PALMD: variants seen among roughly 807,000 people sequenced by gnomAD.
The protein encoded by PALMD is palmdelphin.
PALMD carries 42 observed loss-of-function variants against 56.2 expected under a neutral mutation model. The observed-to-expected ratio is 0.75, with a 90% CI of 0.58 to 0.97. PALMD has a LOEUF of 0.97. Among genes scored for constraint, PALMD ranks in the 50% least tolerant of loss-of-function variants. The pLI, the probability that PALMD is intolerant of heterozygous loss-of-function variation, is 0.00. For missense variants in PALMD, 660 were observed against 643.8 expected, an observed-to-expected ratio of 1.03 and a Z score of -0.27; for synonymous variants, 242 against 222.9, an observed-to-expected ratio of 1.09 and a Z score of -0.76.
chr1:99,694,047 A>G lies in PALMD; in HGVS notation c.1641A>G (p.Gly547=), dbSNP rs1653722932. The change falls in exon 8 of 8, where the codon GGA becomes GGG. Residue 547 remains glycine, a synonymous_variant. Coordinates refer to ENST00000263174, the MANE Select transcript of PALMD (RefSeq NM_017734.5). ...TAAGGATGAGAATGGCAAAGCTGGG[A>G]AAAAAGGTGATCTAAGAGTTGTACC... ...TALRMRMAKL[G]KKVI 7 of 1,593,100 alleles carry G rather than the reference A, an allele frequency of 4.4e-6. No individual in the cohort carries two copies. Among genetic ancestry groups the G allele is most frequent in the Non-Finnish European group, 6.0e-6 (7 of 1,163,654 alleles).
chr1:99,684,903 C>A (rs1653452438), intron 3 of PALMD: 1 of 152,198 alleles, frequency 6.6e-6, no homozygotes, highest in African/African-American at 2.4e-5. Context: ...CCAGGTCCAC[C>A]TGATTCCACA....
chr1:99,673,252 C>G (rs1653124676), intron 3 of PALMD, among the ~76,000 whole-genome samples: 1 of 151,938 alleles, frequency 6.6e-6, no homozygotes, highest in African/African-American at 2.4e-5. Context: ...TATCATTTAT[C>G]AAAGTTTATC....
chr1:99,646,182 C>G lies in PALMD; in HGVS notation c.-136C>G. 3 of 710,814 alleles carry G rather than the reference C, an allele frequency of 4.2e-6. No homozygotes were observed. In the South Asian group the frequency reaches 5.0e-5, roughly 12 times the overall value. 44.0% of individuals were successfully genotyped at this position (710,814 alleles called of 1,614,324 possible). A position where few individuals can be genotyped will look rare whatever the true frequency, so the allele number is the denominator to read the frequency against. Reference sequence around the variant, plus strand: ...CGCTCCTGACAAGTCGGGAATTTCTCTATTTCTCCACTGGTGCAAAGAGCG... The same window carrying G: ...CGCTCCTGACAAGTCGGGAATTTCTGTATTTCTCCACTGGTGCAAAGAGCG... On this transcript the variant is annotated 5_prime_UTR_variant, in exon 1 of 8. Transcript: ENST00000263174.
intron 1 of PALMD, among the ~76,000 whole-genome samples, chr1:99,657,638 C>A (rs1652756205): frequency 6.6e-6 from 1 of 152,168 alleles, no homozygotes; most frequent in Non-Finnish European, 1.5e-5. Context: ...CTTTTTATTG[C>A]TCCTTATCTC....
At chr1:99,687,333 G>GCGGTGACTCA in intron 6 of PALMD, 144 bp downstream of exon 6, 1 of 801,620 alleles carries the variant, frequency 1.2e-6, no homozygotes, top group Non-Finnish European at 1.9e-6. Context: ...GTGAGTCACC[G>GCGGTGACTCA]CATAGGTGAG....
chr1:99,673,966 A>C (rs1653146824), intron 3 of PALMD, among the ~76,000 whole-genome samples: 1 of 152,188 alleles, frequency 6.6e-6, no homozygotes. Flanking sequence ...CTTGAACATT[A>C]ATGAACTGAA....
intron 1 of PALMD, among the ~76,000 whole-genome samples, chr1:99,655,407 C>T (rs566284757): frequency 4.3e-4 from 65 of 152,080 alleles, no homozygotes; most frequent in Admixed American, 2.8e-3. Flanking sequence ...GAGTTTTAAA[C>T]GCTTTGTTTT....
In PALMD at chr1:99,646,157, C is replaced by T. The variant is rs988616714; in HGVS notation, c.-161C>T. The T allele has an allele frequency of 8.2e-5, 52 of 636,902 alleles. No individual in the cohort carries two copies. In the African/African-American group the frequency reaches 8.8e-4, roughly 11 times the overall value. The allele number at this position is 636,902 out of a possible 1,614,324, so 39.5% of individuals were successfully genotyped here. On this transcript the variant is annotated 5_prime_UTR_variant, in exon 1 of 8. It adds an upstream start codon to the 5' untranslated region. Transcript: ENST00000263174. Reference sequence around the variant, plus strand: ...CCTGATCTGTGCATCTGCTCGGAGACGCTCCTGACAAGTCGGGAATTTCTC... The same window carrying T: ...CCTGATCTGTGCATCTGCTCGGAGATGCTCCTGACAAGTCGGGAATTTCTC...
intron 7 of PALMD, among the ~76,000 whole-genome samples, chr1:99,692,463 G>C (rs1653670528): frequency 6.6e-6 from 1 of 152,118 alleles, no homozygotes; most frequent in Admixed American, 6.5e-5. Flanking sequence ...GATGGCCCAG[G>C]GTTTTTAGCT....
chr1:99,650,400 T>C (rs1652541437), intron 1 of PALMD, among the ~76,000 whole-genome samples: 1 of 150,316 alleles, frequency 6.7e-6, no homozygotes, highest in South Asian at 2.1e-4. Flanking sequence ...CTTGTAAATA[T>C]AGGAATTTAA....
intron 1 of PALMD, 31 bp from the exon 2 acceptor site, chr1:99,662,288 A>T (rs1652863581): frequency 1.7e-6 from 2 of 1,181,266 alleles, no homozygotes; most frequent in Admixed American, 1.9e-5. Context: ...AAATTTTAAA[A>T]ATAAAATATA....
intron 2 of PALMD, among the ~76,000 whole-genome samples, chr1:99,663,945 CA>C (rs1191701820): frequency 3.3e-5 from 5 of 152,120 alleles, no homozygotes; most frequent in African/African-American, 1.2e-4. Flanking sequence ...CCAATCCAAT[CA>C]AAACATTTAT....
Position 99,686,803 on chromosome 1 carries a change from C to T in PALMD, c.366+13C>T. The T allele has an allele frequency of 1.4e-6, 2 of 1,450,658 alleles. No individual in the cohort carries two copies. Among genetic ancestry groups the T allele is most frequent in the Non-Finnish European group, 9.6e-7 (1 of 1,041,708 alleles). The allele number at this position is 1,450,658 out of a possible 1,614,324, so 89.9% of individuals were successfully genotyped here. The stretch of plus-strand genomic sequence containing the variant: ...AGACATTATAAGAGTGAGCATTAAC[C>T]AATTTTAAAACTGTAATTCTCTCTC... On this transcript the variant is annotated intron_variant, in intron 4 of 7. Coordinates refer to ENST00000263174, the MANE Select transcript of PALMD (RefSeq NM_017734.5).
In PALMD at chr1:99,689,284, A is replaced by C; in HGVS notation, c.1024A>C (p.Thr342Pro). The C allele has an allele frequency of 6.2e-7, 1 of 1,613,570 alleles. No homozygotes were observed. Among genetic ancestry groups the C allele is most frequent in the Non-Finnish European group, 8.5e-7 (1 of 1,179,862 alleles). The change falls in exon 7 of 8, where the codon ACC becomes CCC. Residue 342 changes from threonine to proline, a missense_variant. Thr to Pro is a conservative substitution (Grantham distance 38). Coordinates refer to ENST00000263174, the MANE Select transcript of PALMD (RefSeq NM_017734.5). Reference sequence around the variant, plus strand: ...TCAACAAGCAGAAGAGAAGCTTCACACCCCGCAAAAAAGGCTAATGACTCC... The same window carrying C: ...TCAACAAGCAGAAGAGAAGCTTCACCCCCCGCAAAAAAGGCTAATGACTCC... ...VIQQAEEKLHTPQKRLMTPWE... is the reference protein window; with the variant it reads ...VIQQAEEKLHPPQKRLMTPWE...
chr1:99,665,407 A>G (rs1283620325), intron 2 of PALMD, among the ~76,000 whole-genome samples: 1 of 152,196 alleles, frequency 6.6e-6, no homozygotes, highest in Non-Finnish European at 1.5e-5. Context: ...TACAGTATAT[A>G]TGTGATTGCA....
chr1:99,659,937 C>A (rs1411633215), intron 1 of PALMD, among the ~76,000 whole-genome samples: 1 of 152,174 alleles, frequency 6.6e-6, no homozygotes, highest in Non-Finnish European at 1.5e-5. Context: ...GATGGCATGC[C>A]TCTACTCACA....
Position 99,688,889 on chromosome 1 carries a change from A to T in PALMD, c.629A>T (p.Tyr210Phe). The stretch of plus-strand genomic sequence containing the variant: ...TTTAAAGGTACAGGAATAAAAGTTT[A>T]TGATGATGGGCAAAAGTCAGTGTAT... ...DDFKGTGIKV[Y>F]DDGQKSVYAV... The change falls in exon 7 of 8, where the codon TAT (tyrosine) becomes TTT (phenylalanine). Residue 210 changes from tyrosine to phenylalanine, a missense_variant. Coordinates refer to ENST00000263174, the MANE Select transcript of PALMD (RefSeq NM_017734.5). The T allele has an allele frequency of 1.2e-6, 2 of 1,613,746 alleles. No homozygotes were observed. Among genetic ancestry groups the T allele is most frequent in the Non-Finnish European group, 1.7e-6 (2 of 1,179,706 alleles).
rs534219973 is a variant in PALMD at position 99,669,978 on chromosome 1, GA to G, written c.251+2214del. Among the ~76,000 whole-genome samples the G allele has an allele frequency of 4.0e-3, 604 of 152,296 alleles. 2 individuals carry two copies. Among genetic ancestry groups the G allele is most frequent in the Admixed American group, 6.3e-3 (97 of 15,290 alleles). ...GAAGTTAAGGAATTCACACAACTAG[GA>G]AGTGGGAGGTCAGGGACTGACTCAT... On this transcript the variant is annotated intron_variant, in intron 3 of 7. Transcript: ENST00000263174.
intron 3 of PALMD, chr1:99,683,249 T>A (rs1653413235): frequency 6.6e-6 from 1 of 152,132 alleles, no homozygotes; most frequent in South Asian, 2.1e-4. Flanking sequence ...GGAATTCTTA[T>A]CTCCTTCACT....
Sources: gnomAD v4.1 joint callset for allele counts (sites outside exome capture counted in the v4.1 genomes callset) on GRCh38, gnomAD v4.1.1 for gene constraint, MANE v1.5 for transcripts, NCBI Gene and HGNC (gene_info 2026-07-23, HGNC 2026-07-21) for gene names.